Variants in CACNG3 observed in about 807,000 individuals in gnomAD.
The protein encoded by CACNG3 is calcium voltage-gated channel auxiliary subunit gamma 3, also known as voltage-dependent calcium channel gamma-3 subunit.
A neutral mutation model predicts 28.5 loss-of-function variants in CACNG3; 3 were observed. The observed-to-expected ratio is 0.11, with a 90% CI of 0.05 to 0.27. The LOEUF (loss-of-function observed/expected upper bound fraction) is 0.27, where lower values mean the gene tolerates loss of function less well. Among genes scored for constraint, CACNG3 ranks in the 10% least tolerant of loss-of-function variants. The pLI is 1.00. For missense variants in CACNG3, 236 were observed against 414.4 expected (o/e 0.57, Z 3.74); for synonymous variants, 174 against 162.2 (o/e 1.07, Z -0.55).
At chr16:24,337,016 G>A (rs1567221941) in intron 1 of CACNG3, among the ~76,000 whole-genome samples, 1 of 152,010 alleles carries the variant, frequency 6.6e-6, no homozygotes, top group Non-Finnish European at 1.5e-5. Context: ...GTCTTGCCAT[G>A]TTGCTTAGGC....
chr16:24,267,139 T>C (rs1898621902), intron 1 of CACNG3, among the ~76,000 whole-genome samples: 1 of 151,918 alleles, frequency 6.6e-6, no homozygotes, highest in South Asian at 2.1e-4. Flanking sequence ...GCTAATTTTT[T>C]ATATTTTTAG....
chr16:24,285,649 C>G (rs1898882803), intron 1 of CACNG3, among the ~76,000 whole-genome samples: 1 of 151,714 alleles, frequency 6.6e-6, no homozygotes, highest in Non-Finnish European at 1.5e-5. Context: ...GACCCTGTCT[C>G]TAAAAATAAT....
rs529265412 is a variant in CACNG3, at chr16:24,278,337, G to A, written c.211+21372G>A. On this transcript the variant is annotated intron_variant, in intron 1 of 3. Transcript: ENST00000005284. ...AAATAATAATAATATCTAACACTGGGCAGGGCACAGTGACTCACACCCGTA... is the reference window on the plus strand; with the variant it reads ...AAATAATAATAATATCTAACACTGGACAGGGCACAGTGACTCACACCCGTA... 7.2e-5 allele frequency among the ~76,000 whole-genome samples: 11 copies of A among 152,226 alleles called. No individual in the cohort carries two copies. In the South Asian group the frequency reaches 2.3e-3, roughly 32 times the overall value.
intron 1 of CACNG3, among the ~76,000 whole-genome samples, chr16:24,265,673 G>A (rs182320889): frequency 1.3e-5 from 2 of 152,156 alleles, no homozygotes; most frequent in African/African-American, 4.8e-5. Flanking sequence ...ATTTTAAAAT[G>A]GTTGAAAAAT....
At chr16:24,358,726 T>C (rs1037119376) in intron 3 of CACNG3, among the ~76,000 whole-genome samples, 24 of 152,238 alleles carry the variant, frequency 1.6e-4, no homozygotes, top group Non-Finnish European at 2.9e-5. Context: ...AAATCCACCA[T>C]GGCTAAGAGC....
At chr16:24,313,059 G>A (rs569506933) in intron 1 of CACNG3, among the ~76,000 whole-genome samples, 68 of 140,398 alleles carry the variant, frequency 4.8e-4, no homozygotes, top group African/African-American at 1.7e-3. Flanking sequence ...GAGAGAGAGA[G>A]AAAGCGAGGG....
chr16:24,321,488 A>T (rs1461096294), intron 1 of CACNG3, among the ~76,000 whole-genome samples: 1 of 152,146 alleles, frequency 6.6e-6, no homozygotes, highest in Non-Finnish European at 1.5e-5. Flanking sequence ...AGAAATAAAG[A>T]GTTGTCTCGG....
intron 1 of CACNG3, among the ~76,000 whole-genome samples, chr16:24,305,744 A>G (rs1899177579): frequency 6.6e-6 from 1 of 152,206 alleles, no homozygotes; most frequent in South Asian, 2.1e-4. Context: ...GCAAACCACC[A>G]TGGCACATGT....
At chr16:24,312,982 TAAA>T (rs992322829) in intron 1 of CACNG3, among the ~76,000 whole-genome samples, 4 of 64,302 alleles carry the variant, frequency 6.2e-5, no homozygotes, top group Admixed American at 3.0e-4. Context: ...AAGAAAGAAA[TAAA>T]AGAAAGAAAG....
At chr16:24,314,013 G>A (rs1483282976) in intron 1 of CACNG3, among the ~76,000 whole-genome samples, 4 of 152,150 alleles carry the variant, frequency 2.6e-5, no homozygotes, top group Non-Finnish European at 1.5e-5. Flanking sequence ...CCAAAGTGCT[G>A]GGATTCCCAA....
In CACNG3 at chr16:24,354,982, C is replaced by G; in HGVS notation, c.436+9C>G. The G allele has an allele frequency of 6.2e-7, 1 of 1,610,420 alleles. No homozygotes were observed. The highest frequency in any genetic ancestry group is 8.5e-7 in the Non-Finnish European group (1 of 1,178,442). Reference sequence around the variant, plus strand: ...CTTTTTTGTCTCTGCAGGTGAGTGTCTGGCCCCAGCCCTGAGATCTTCACA... The same window carrying G: ...CTTTTTTGTCTCTGCAGGTGAGTGTGTGGCCCCAGCCCTGAGATCTTCACA... On this transcript the variant is annotated intron_variant, in intron 3 of 3. Transcript: ENST00000005284.
intron 1 of CACNG3, among the ~76,000 whole-genome samples, chr16:24,279,614 T>C (rs1201382310): frequency 6.6e-6 from 1 of 152,198 alleles, no homozygotes; most frequent in Non-Finnish European, 1.5e-5. Context: ...TGAGGAATAT[T>C]TGCAGACTGG....
rs947374996 is a variant in CACNG3 at position 24,336,804 on chromosome 16, G to T, written c.212-9930G>T. ...TGTAGGCATTAGGATTTTCTTTTTT[G>T]TTGTTGTTGTTGTTTTGTTTTGTTT... is the stretch of plus-strand genomic sequence containing the variant. On this transcript the variant is annotated intron_variant, in intron 1 of 3. Transcript: ENST00000005284. Among the ~76,000 whole-genome samples, 18 of 151,726 alleles carry T rather than the reference G, an allele frequency of 1.2e-4. No homozygotes were observed. The East Asian group carries it at 1.7e-3, about 15-fold the overall frequency.
chr16:24,359,264 C>T (rs1352301363), intron 3 of CACNG3, among the ~76,000 whole-genome samples: 1 of 152,082 alleles, frequency 6.6e-6, no homozygotes, highest in Non-Finnish European at 1.5e-5. Context: ...TGAAGTCTGC[C>T]TTCTCCTCCT....
intron 1 of CACNG3, among the ~76,000 whole-genome samples, chr16:24,325,681 T>A (rs1472127825): frequency 6.6e-6 from 1 of 152,002 alleles, no homozygotes; most frequent in Non-Finnish European, 1.5e-5. Flanking sequence ...AAAAGTAGAG[T>A]TTATGAGCTT....
chr16:24,330,010 C>T (rs1467533307), intron 1 of CACNG3, among the ~76,000 whole-genome samples: 2 of 151,912 alleles, frequency 1.3e-5, no homozygotes, highest in African/African-American at 2.4e-5. Context: ...GCACTCCAGC[C>T]TGGGCAACAG....
chr16:24,266,499 A>G (rs935980921), intron 1 of CACNG3, among the ~76,000 whole-genome samples: 1 of 152,352 alleles, frequency 6.6e-6, no homozygotes, highest in Middle Eastern at 3.4e-3. Context: ...AATCAAAGGT[A>G]TGACTGTACA....
At chr16:24,326,114 G>A (rs1315208217) in intron 1 of CACNG3, among the ~76,000 whole-genome samples, 1 of 152,184 alleles carries the variant, frequency 6.6e-6, no homozygotes, top group East Asian at 1.9e-4. Context: ...TGTAGCCCCA[G>A]CCCACTAGCT....
intron 1 of CACNG3, among the ~76,000 whole-genome samples, chr16:24,316,976 T>A (rs1301587081): frequency 6.6e-6 from 1 of 152,146 alleles, no homozygotes; most frequent in Admixed American, 6.5e-5. Context: ...GCGAATCACA[T>A]AGCAGGGAGA....
Sources: gnomAD v4.1 joint callset for allele counts (sites outside exome capture counted in the v4.1 genomes callset) on GRCh38, gnomAD v4.1.1 for gene constraint, MANE v1.5 for transcripts, NCBI Gene and HGNC (gene_info 2026-07-23, HGNC 2026-07-21) for gene names.